ANKFN1: variants seen among roughly 807,000 people sequenced by gnomAD.
ANKFN1 encodes ankyrin repeat and fibronectin type III domain containing 1.
A neutral mutation model predicts 108.7 loss-of-function variants in ANKFN1; 74 were observed. The observed-to-expected ratio is 0.68, with a 90% confidence interval of 0.56 to 0.83. The LOEUF is 0.83. Ranked by LOEUF, ANKFN1 falls within the 40% of genes least tolerant of loss-of-function variation. The pLI is 0.00. For missense variants in ANKFN1, 1,505 were observed against 1,382.3 expected (o/e 1.09, Z -1.41); for synonymous variants, 547 against 516.2 (o/e 1.06, Z -0.81).
intron 14 of ANKFN1, among the ~76,000 whole-genome samples, chr17:56,460,644 C>A (rs1022807863): frequency 6.6e-6 from 1 of 151,906 alleles, no homozygotes; most frequent in African/African-American, 2.4e-5. Flanking sequence ...ACAGACCGAA[C>A]CTTCTTTTTT....
intron 1 of ANKFN1, among the ~76,000 whole-genome samples, chr17:56,202,801 G>A (rs1189137877): frequency 6.6e-6 from 1 of 151,942 alleles, no homozygotes; most frequent in East Asian, 1.9e-4. Flanking sequence ...TGTTCAAAAA[G>A]GTTTTGAAAA....
chr17:56,069,524 C>T (rs747943403), intron 4 of ANKFN1, among the ~76,000 whole-genome samples: 3 of 152,154 alleles, frequency 2.0e-5, no homozygotes, highest in African/African-American at 4.8e-5. Flanking sequence ...TATGTTGGTG[C>T]ATCTTGGTTT....
At chr17:56,496,828 A>G (rs1220262603) in intron 19 of ANKFN1, among the ~76,000 whole-genome samples, 1 of 152,142 alleles carries the variant, frequency 6.6e-6, no homozygotes, top group Non-Finnish European at 1.5e-5. Flanking sequence ...GGGGGGTTCC[A>G]TATTCAGCCC....
intron 2 of ANKFN1, among the ~76,000 whole-genome samples, chr17:56,223,531 A>G (rs776788825): frequency 4.6e-5 from 7 of 152,188 alleles, no homozygotes; most frequent in African/African-American, 7.2e-5. Flanking sequence ...AAAACAAAAA[A>G]CAGCAAAATT....
rs1396721435 is a variant in ANKFN1, at chr17:56,514,572, TA to T, written c.*3308del. On this transcript the variant is annotated 3_prime_UTR_variant, in exon 21 of 21. Coordinates refer to ENST00000682825, the MANE Select transcript of ANKFN1 (RefSeq NM_001370326.1). ...GCGAGGGTGCCTGGGAGACAGTAAT[TA>T]AAAACATTCACTCCAGGGAATGAGT... is the stretch of plus-strand genomic sequence containing the variant. Among the ~76,000 whole-genome samples, 1 of 152,164 alleles carries T rather than the reference TA, an allele frequency of 6.6e-6. No homozygotes were observed. Among genetic ancestry groups the T allele is most frequent in the Non-Finnish European group, 1.5e-5 (1 of 68,020 alleles).
At chr17:56,299,331 C>G (rs1261164037) in intron 3 of ANKFN1, among the ~76,000 whole-genome samples, 1 of 152,074 alleles carries the variant, frequency 6.6e-6, no homozygotes, top group Non-Finnish European at 1.5e-5. Flanking sequence ...AATATCCTCT[C>G]CCCCACCCTT....
At chr17:56,424,148 G>T (rs2145073271) in intron 8 of ANKFN1, among the ~76,000 whole-genome samples, 1 of 152,212 alleles carries the variant, frequency 6.6e-6, no homozygotes, top group South Asian at 2.1e-4. Context: ...TGCACTAAGG[G>T]GTGACACCCT....
At chr17:56,049,090 T>C (rs911683793) in intron 4 of ANKFN1, among the ~76,000 whole-genome samples, 1 of 152,256 alleles carries the variant, frequency 6.6e-6, no homozygotes, top group African/African-American at 2.4e-5. Context: ...ATACTTCTTT[T>C]TCAGTTTCTA....
intron 4 of ANKFN1, among the ~76,000 whole-genome samples, chr17:56,117,992 C>G (rs1293060724): frequency 2.0e-5 from 3 of 152,038 alleles, no homozygotes; most frequent in Non-Finnish European, 4.4e-5. Flanking sequence ...AAAATGTTGT[C>G]TTTTGTGACT....
intron 4 of ANKFN1, among the ~76,000 whole-genome samples, chr17:56,079,601 T>TA (rs1407428430): frequency 2.6e-5 from 4 of 152,300 alleles, no homozygotes; most frequent in Non-Finnish European, 5.9e-5. Flanking sequence ...GATTGTAGAT[T>TA]AGACATTGTC....
chr17:56,167,415 G>A (rs1315057671), intron 1 of ANKFN1, among the ~76,000 whole-genome samples: 1 of 150,552 alleles, frequency 6.6e-6, no homozygotes, highest in African/African-American at 2.4e-5. Flanking sequence ...AATAATAAGG[G>A]ATAAAATACT....
chr17:56,403,525 C>A (rs1316316483), intron 8 of ANKFN1, among the ~76,000 whole-genome samples: 1 of 152,056 alleles, frequency 6.6e-6, no homozygotes, highest in Non-Finnish European at 1.5e-5. Context: ...TTTTTCCACC[C>A]TTTTACTGTA....
intron 8 of ANKFN1, among the ~76,000 whole-genome samples, chr17:56,411,966 C>A (rs1024135151): frequency 1.3e-5 from 2 of 152,002 alleles, no homozygotes; most frequent in African/African-American, 4.8e-5. Context: ...TGTGTTATTC[C>A]TTGGCTTTGG....
intron 5 of ANKFN1, among the ~76,000 whole-genome samples, chr17:56,352,048 C>T (rs959120538): frequency 2.0e-5 from 3 of 152,124 alleles, no homozygotes; most frequent in Non-Finnish European, 4.4e-5. Context: ...ACTTTGAACT[C>T]GTTTGTTTTC....
chr17:56,464,662 G>C (rs1294159289), intron 14 of ANKFN1, among the ~76,000 whole-genome samples: 2 of 152,162 alleles, frequency 1.3e-5, no homozygotes, highest in Non-Finnish European at 1.5e-5. Flanking sequence ...ATTCCAATTA[G>C]AGCAGTAAAG....
chr17:56,198,338 G>A (rs1213344941), intron 1 of ANKFN1, among the ~76,000 whole-genome samples: 1 of 152,124 alleles, frequency 6.6e-6, no homozygotes, highest in East Asian at 1.9e-4. Flanking sequence ...TCATGACCTC[G>A]ATCTCTCACA....
At chr17:56,174,506 T>A in intron 1 of ANKFN1, 1 of 792,346 alleles carries the variant, frequency 1.3e-6, no homozygotes, top group Non-Finnish European at 1.5e-6. Flanking sequence ...ATGGAGTCTC[T>A]CTGTGCCTTT....
At chr17:56,411,136 G>T (rs2048077787) in intron 8 of ANKFN1, among the ~76,000 whole-genome samples, 1 of 152,068 alleles carries the variant, frequency 6.6e-6, no homozygotes. Context: ...CTATGAACAT[G>T]GGATGTCTTT....
chr17:56,330,765 C>T (rs1351599069), intron 4 of ANKFN1, among the ~76,000 whole-genome samples: 1 of 152,186 alleles, frequency 6.6e-6, no homozygotes, highest in Non-Finnish European at 1.5e-5. Context: ...ACAGGATACA[C>T]AGGTTACAAA....
Sources: allele counts gnomAD v4.1 joint callset (sites outside exome capture counted in the v4.1 genomes callset), GRCh38; gene constraint gnomAD v4.1.1; transcripts MANE v1.5; gene names NCBI Gene and HGNC (gene_info 2026-07-23, HGNC 2026-07-21).